The following INPP5D variants were observed in gnomAD, a reference collection of about 807,000 sequenced individuals.
INPP5D encodes the protein inositol polyphosphate-5-phosphatase D.
In INPP5D, 33 loss-of-function variants were observed where a neutral mutation model predicts 122.9. The observed-to-expected ratio is 0.27, with a 90% CI of 0.20 to 0.36. INPP5D has a LOEUF of 0.36. Ranked by LOEUF, INPP5D falls within the 10% of genes least tolerant of loss-of-function variation. INPP5D has a pLI of 1.00. For synonymous variants in INPP5D, 584 were observed against 576.2 expected, an observed-to-expected ratio of 1.01 and a Z score of -0.19; for missense variants, 1,053 against 1,412.7, an observed-to-expected ratio of 0.75 and a Z score of 4.08.
chr2:233,093,699 G>T (rs79145785), intron 2 of INPP5D, among the ~76,000 whole-genome samples: 3 of 144,530 alleles, frequency 2.1e-5, no homozygotes, highest in Non-Finnish European at 4.6e-5. Flanking sequence ...AAAAAAAAAA[G>T]ACTTTATGTT....
rs144468389 is a variant in INPP5D, at chr2:233,187,005, C to T, written c.2358+1080C>T. ...CAAAGTGATTAGAGGTATGAGCCAC[C>T]GCATCCAGCCTAAAACATTTTTTTT... On this transcript the variant is annotated intron_variant, in intron 21 of 26. Coordinates refer to ENST00000445964, the MANE Select transcript of INPP5D (RefSeq NM_001017915.3). Among the ~76,000 whole-genome samples the T allele has an allele frequency of 3.3e-3, 508 of 151,840 alleles. 4 individuals carry two copies. The highest frequency in any genetic ancestry group is 0.014 in the Middle Eastern group (4 of 294).
At chr2:233,062,148 T>C (rs528208375) in intron 1 of INPP5D, among the ~76,000 whole-genome samples, 43 of 152,342 alleles carry the variant, frequency 2.8e-4, no homozygotes, top group African/African-American at 7.5e-4. Context: ...ACCTGGCCCA[T>C]GTGGGTTACT....
rs142158720 is a variant in INPP5D, at chr2:233,153,089, C to T, written c.1031-5224C>T. ...TGCTGATCGATACCATGTAACAGGA[C>T]GAGGGAAACGGAACTTCTAGTGTTA... On this transcript the variant is annotated intron_variant, in intron 9 of 26. Coordinates refer to ENST00000445964, the MANE Select transcript of INPP5D (RefSeq NM_001017915.3). Among the ~76,000 whole-genome samples the T allele has an allele frequency of 1.7e-3, 254 of 152,194 alleles. 2 individuals are homozygous for T. The East Asian group carries it at 0.027, about 16-fold the overall frequency.
intron 6 of INPP5D, among the ~76,000 whole-genome samples, chr2:233,144,537 A>AGAT (rs1422295084): frequency 1.9e-4 from 14 of 73,880 alleles, no homozygotes; most frequent in Non-Finnish European, 3.0e-4. Flanking sequence ...GTGAGGGTGG[A>AGAT]GGTGGTGGTG....
intron 2 of INPP5D, among the ~76,000 whole-genome samples, chr2:233,107,328 G>A (rs1692495671): frequency 6.6e-6 from 1 of 152,154 alleles, no homozygotes; most frequent in Admixed American, 6.5e-5. Context: ...TTTTACATGT[G>A]TACTCCAGGC....
At chr2:233,190,114 C>T (rs1695015217) in intron 22 of INPP5D, among the ~76,000 whole-genome samples, 177 bp downstream of exon 22, 1 of 152,212 alleles carries the variant, frequency 6.6e-6, no homozygotes, top group African/African-American at 2.4e-5. Flanking sequence ...CCCCACTAGG[C>T]TTCTGGGCAG....
chr2:233,188,510 C>T lies in INPP5D; in HGVS notation c.2359-1340C>T, dbSNP rs1056208051. 9.2e-5 allele frequency among the ~76,000 whole-genome samples: 14 copies of T among 152,202 alleles called. No individual in the cohort carries two copies. The highest frequency in any genetic ancestry group is 5.9e-5 in the Non-Finnish European group (4 of 68,038). On this transcript the variant is annotated intron_variant, in intron 21 of 26. Coordinates refer to ENST00000445964, the MANE Select transcript of INPP5D (RefSeq NM_001017915.3). The surrounding 1 kb of genome is among the most constrained non-coding windows in gnomAD (Gnocchi z 4.7). ...GCCAGGAGCCAAGTGATAATTGGTG[C>T]AGCTGTAGAACCCTGGAGTACCCAG...
Position 233,198,225 on chromosome 2 carries a change from T to C in INPP5D, c.2824T>C (p.Trp942Arg). The C allele has an allele frequency of 6.2e-7, 1 of 1,613,628 alleles. No homozygotes were observed. The highest frequency in any genetic ancestry group is 8.5e-7 in the Non-Finnish European group (1 of 1,179,888). ...TLSPDQQPTA[W>R]SYDQPPKDSP... ...GTCCCCTGACCAGCAGCCCACAGCC[T>C]GGAGCTACGACCAGCCGCCCAAGGA... Residue 942 changes from tryptophan (W) to arginine (R), a missense_variant, in exon 25 of 27, where the codon TGG (tryptophan) becomes CGG (arginine). Transcript: ENST00000445964.
At chr2:233,064,569 G>A (rs1283702018) in intron 1 of INPP5D, among the ~76,000 whole-genome samples, 2 of 152,232 alleles carry the variant, frequency 1.3e-5, no homozygotes, top group Non-Finnish European at 2.9e-5. Flanking sequence ...CTTCAAAGGA[G>A]GTCTTATTAT....
chr2:233,194,100 A>C, intron 23 of INPP5D, 139 bp downstream of exon 23: 1 of 1,364,248 alleles, frequency 7.3e-7, no homozygotes, highest in Non-Finnish European at 9.6e-7. Flanking sequence ...AAGATCTCAG[A>C]CAATCTGGCC....
At chr2:233,090,503 A>G (rs1288946562) in intron 2 of INPP5D, among the ~76,000 whole-genome samples, 2 of 152,182 alleles carry the variant, frequency 1.3e-5, no homozygotes, top group African/African-American at 4.8e-5. Flanking sequence ...GAAATCTTGA[A>G]ATGGAGAAAT....
At chr2:233,064,742 G>C (rs1325790798) in intron 1 of INPP5D, among the ~76,000 whole-genome samples, 1 of 150,988 alleles carries the variant, frequency 6.6e-6, no homozygotes, top group Admixed American at 6.6e-5. Flanking sequence ...AGAGCCTGGA[G>C]AGGGAACTTC....
At chr2:233,198,541 T>C (rs1358814324) in intron 25 of INPP5D, among the ~76,000 whole-genome samples, 165 bp downstream of exon 25, 1 of 152,248 alleles carries the variant, frequency 6.6e-6, no homozygotes, top group Non-Finnish European at 1.5e-5. Flanking sequence ...GACATGTATG[T>C]GGAGTCTTCC....
intron 18 of INPP5D, among the ~76,000 whole-genome samples, chr2:233,179,261 G>A (rs1239003444): frequency 2.6e-5 from 4 of 152,170 alleles, no homozygotes; most frequent in South Asian, 4.1e-4. Context: ...CCTGCCACCC[G>A]TCGGACTCTC....
chr2:233,062,064 G>C (rs544912436), intron 1 of INPP5D, among the ~76,000 whole-genome samples: 11 of 152,320 alleles, frequency 7.2e-5, no homozygotes, highest in Non-Finnish European at 1.6e-4. Context: ...TCCCCAGTGG[G>C]GACCTGCTGC....
At chr2:233,109,219 C>G (rs139614878) in intron 2 of INPP5D, among the ~76,000 whole-genome samples, 1 of 152,346 alleles carries the variant, frequency 6.6e-6, no homozygotes, top group African/African-American at 2.4e-5. Context: ...GCAGCCCCAG[C>G]TGAGACACTT....
chr2:233,085,235 A>T (rs1018944043), intron 2 of INPP5D, among the ~76,000 whole-genome samples: 1 of 151,914 alleles, frequency 6.6e-6, no homozygotes, highest in Non-Finnish European at 1.5e-5. Flanking sequence ...AAAATGCAAA[A>T]CTTAGTCGGG....
rs1693800763 is a variant in INPP5D, at chr2:233,147,604, C to T, written c.1030+10C>T. On this transcript the variant is annotated intron_variant, in intron 9 of 26. Coordinates refer to ENST00000445964, the MANE Select transcript of INPP5D (RefSeq NM_001017915.3). ...TACAGCCACAAGAAAAGTAAGACCC[C>T]TCGTGCCTATCAACCACTGCCCCTC... The T allele has an allele frequency of 2.8e-6, 2 of 703,724 alleles. No individual in the cohort carries two copies. The highest frequency in any genetic ancestry group is 3.5e-5 in the African/African-American group (2 of 57,374). 43.6% of individuals were successfully genotyped at this position (703,724 alleles called of 1,614,324 possible). A position where few individuals can be genotyped will look rare whatever the true frequency, so the allele number is the denominator to read the frequency against.
At chr2:233,098,157 T>C (rs1692200195) in intron 2 of INPP5D, among the ~76,000 whole-genome samples, 1 of 152,080 alleles carries the variant, frequency 6.6e-6, no homozygotes. Context: ...CCTCCCAAAG[T>C]GCTGGGATCA....
Sources: allele counts gnomAD v4.1 joint callset (sites outside exome capture counted in the v4.1 genomes callset), GRCh38; gene constraint gnomAD v4.1.1; non-coding constraint Gnocchi (gnomAD v3.1); transcripts MANE v1.5; gene names NCBI Gene and HGNC (gene_info 2026-07-23, HGNC 2026-07-21).